The following NRXN3 variants were observed in gnomAD, a reference collection of about 807,000 sequenced individuals.
NRXN3 encodes neurexin III.
Under a neutral mutation model 137.6 loss-of-function variants are expected in NRXN3, and 32 were observed. The observed-to-expected ratio is 0.23, with a 90% CI of 0.18 to 0.31. NRXN3 has a LOEUF of 0.31. NRXN3 is among the 10% of genes least tolerant of loss of function. NRXN3 has a pLI of 1.00. For synonymous variants in NRXN3, 798 were observed against 784.5 expected, an observed-to-expected ratio of 1.02 and a Z score of -0.29; for missense variants, 1,574 against 2,062.5, an observed-to-expected ratio of 0.76 and a Z score of 4.59.
Position 79,647,809 on chromosome 14 carries a change from C to A in NRXN3, c.3445-15969C>A, listed in dbSNP as rs754377796. ...AGCATCTTCTAGTATGTGCTAGATG[C>A]CTGCATATGTTGTTTTATCCTCATG... On this transcript the variant is annotated intron_variant, in intron 16 of 20. Transcript: ENST00000335750. 1.5e-5 allele frequency among the ~76,000 whole-genome samples: 2 copies of A among 135,084 alleles called. 1 individual carries two copies. Among genetic ancestry groups the A allele is most frequent in the Non-Finnish European group, 3.4e-5 (2 of 58,160 alleles). 88.6% of individuals were successfully genotyped at this position (135,084 alleles called of 152,430 possible). A position where few individuals can be genotyped will look rare whatever the true frequency, so the allele number is the denominator to read the frequency against.
At chr14:78,317,197 C>T (rs1450550078) in intron 4 of NRXN3, among the ~76,000 whole-genome samples, 1 of 152,150 alleles carries the variant, frequency 6.6e-6, no homozygotes, top group Non-Finnish European at 1.5e-5. Flanking sequence ...AGCATATTCC[C>T]CTTTCCATAG....
At chr14:79,434,569 T>C (rs187084822) in intron 15 of NRXN3, among the ~76,000 whole-genome samples, 2 of 152,306 alleles carry the variant, frequency 1.3e-5, no homozygotes, top group East Asian at 1.9e-4. Flanking sequence ...GCAGGTACGA[T>C]GGCGTATTCT....
chr14:79,034,795 G>A (rs530516658), intron 15 of NRXN3, among the ~76,000 whole-genome samples: 4 of 152,004 alleles, frequency 2.6e-5, no homozygotes, highest in East Asian at 1.9e-4. Flanking sequence ...TAGAAGTGAC[G>A]AAAACTTCTG....
At chr14:79,750,156 C>T (rs916233002) in intron 19 of NRXN3, among the ~76,000 whole-genome samples, 2 of 152,106 alleles carry the variant, frequency 1.3e-5, no homozygotes, top group African/African-American at 2.4e-5. Context: ...ATCTCAAATG[C>T]TTCTATTCTG....
chr14:79,790,252 G>A (rs2099140922), intron 19 of NRXN3, among the ~76,000 whole-genome samples: 1 of 152,102 alleles, frequency 6.6e-6, no homozygotes. Context: ...ATGGTGAATG[G>A]CAAACAGGGA....
At position 78,999,214 on chromosome 14, in the gene NRXN3, C is replaced by T. The variant is rs149466821; in HGVS notation, c.3262+11073C>T. 4.0e-3 allele frequency among the ~76,000 whole-genome samples: 605 copies of T among 152,034 alleles called. 18 individuals carry two copies. Among genetic ancestry groups the T allele is most frequent in the East Asian group, 0.03 (157 of 5,166 alleles). ...CATTTATGATTTTGCTACATGCCTA[C>T]GGAAGAAATGAAGGAACCTTGCATT... On this transcript the variant is annotated intron_variant, in intron 15 of 20. Transcript: ENST00000335750.
intron 19 of NRXN3, among the ~76,000 whole-genome samples, chr14:79,757,643 G>A (rs1162482199): frequency 6.6e-6 from 1 of 152,166 alleles, no homozygotes; most frequent in Non-Finnish European, 1.5e-5. Context: ...ACAGCATGAT[G>A]CAGTGGGAAG....
intron 1 of NRXN3, among the ~76,000 whole-genome samples, chr14:78,221,440 A>G (rs1351172149): frequency 1.3e-5 from 2 of 152,212 alleles, no homozygotes; most frequent in African/African-American, 2.4e-5. Flanking sequence ...CATTGAGCAC[A>G]TGGGCATTGA....
chr14:78,543,241 A>G (rs990113705), intron 4 of NRXN3, among the ~76,000 whole-genome samples: 4 of 152,190 alleles, frequency 2.6e-5, no homozygotes, highest in Admixed American at 6.5e-5. Flanking sequence ...GAATTGATGC[A>G]TTCATGATCT....
chr14:78,385,959 G>A (rs1371248266), intron 4 of NRXN3, among the ~76,000 whole-genome samples: 2 of 152,034 alleles, frequency 1.3e-5, no homozygotes, highest in African/African-American at 4.8e-5. Context: ...AGGAGGGTGA[G>A]GAGCAACTGA....
intron 8 of NRXN3, among the ~76,000 whole-genome samples, chr14:78,769,047 G>A (rs908512352): frequency 6.6e-6 from 1 of 152,088 alleles, no homozygotes; most frequent in Non-Finnish European, 1.5e-5. Flanking sequence ...CTAATCACAT[G>A]GTTGGTTTCT....
chr14:79,155,156 G>A (rs750682410), intron 15 of NRXN3, among the ~76,000 whole-genome samples: 5 of 151,834 alleles, frequency 3.3e-5, no homozygotes, highest in Non-Finnish European at 7.4e-5. Context: ...CTTCATCAAT[G>A]GTGGAGCATC....
chr14:78,976,101 T>C (rs1157055402), intron 14 of NRXN3, among the ~76,000 whole-genome samples: 1 of 152,162 alleles, frequency 6.6e-6, no homozygotes, highest in Admixed American at 6.5e-5. Context: ...AGAGATTTCC[T>C]AAAAGCCTAT....
intron 9 of NRXN3, among the ~76,000 whole-genome samples, chr14:78,806,981 A>G (rs555521567): frequency 6.6e-6 from 1 of 152,226 alleles, no homozygotes; most frequent in Admixed American, 6.5e-5. Context: ...CAAAGCTTAC[A>G]TAAAAAGTTG....
chr14:79,434,759 A>C (rs1252389132), intron 15 of NRXN3, among the ~76,000 whole-genome samples: 2 of 152,214 alleles, frequency 1.3e-5, no homozygotes, highest in Admixed American at 1.3e-4. Flanking sequence ...ATGGGATAGA[A>C]GGATAATTTG....
chr14:79,822,125 G>A (rs776138729), intron 20 of NRXN3, among the ~76,000 whole-genome samples: 1 of 152,126 alleles, frequency 6.6e-6, no homozygotes, highest in African/African-American at 2.4e-5. Flanking sequence ...AAGTTGTGAA[G>A]CAGTTAGTGG....
chr14:79,161,764 G>T (rs2060796682), intron 15 of NRXN3, among the ~76,000 whole-genome samples: 1 of 151,894 alleles, frequency 6.6e-6, no homozygotes, highest in Non-Finnish European at 1.5e-5. Flanking sequence ...CTTGCTTTGG[G>T]AGACAGGGAG....
At chr14:78,390,871 T>C (rs1273586609) in intron 4 of NRXN3, among the ~76,000 whole-genome samples, 7 of 152,162 alleles carry the variant, frequency 4.6e-5, no homozygotes, top group African/African-American at 1.7e-4. Context: ...TTGCTGCACC[T>C]ATCAACCCAT....
chr14:78,179,842 G>GTTTTTTTTTTTT (rs796341902), intron 1 of NRXN3, among the ~76,000 whole-genome samples: 4 of 109,156 alleles, frequency 3.7e-5, no homozygotes, highest in Admixed American at 1.9e-4. Flanking sequence ...CTGTTTTTTT[G>GTTTTTTTTTTTT]TTTTTTTTTT....
Sources: allele counts gnomAD v4.1 joint callset (sites outside exome capture counted in the v4.1 genomes callset), GRCh38; gene constraint gnomAD v4.1.1; transcripts MANE v1.5; gene names NCBI Gene and HGNC (gene_info 2026-07-23, HGNC 2026-07-21).